The following KCNJ6 variants were observed in gnomAD, a reference collection of about 807,000 sequenced individuals.
KCNJ6 encodes the protein potassium inwardly rectifying channel subfamily J member 6.
In KCNJ6, 9 loss-of-function variants were observed where a neutral mutation model predicts 34.2. That is an observed-to-expected ratio of 0.26 (90% CI 0.16 to 0.46). The LOEUF (loss-of-function observed/expected upper bound fraction) is 0.46, where lower values mean the gene tolerates loss of function less well. KCNJ6 is among the 20% of genes least tolerant of loss of function. The pLI is 1.00. For synonymous variants in KCNJ6, 196 were observed against 207.1 expected (o/e 0.95, Z 0.46); for missense variants, 236 against 531.3 (o/e 0.44, Z 5.46).
chr21:37,711,164 A>G (rs944373690), intron 3 of KCNJ6, among the ~76,000 whole-genome samples: 2 of 152,338 alleles, frequency 1.3e-5, no homozygotes, highest in Non-Finnish European at 2.9e-5. Context: ...TGACCCTGCA[A>G]TGCGGCTGGC....
At chr21:37,771,669 G>A (rs75417637) in intron 2 of KCNJ6, among the ~76,000 whole-genome samples, 6 of 152,132 alleles carry the variant, frequency 3.9e-5, no homozygotes, top group Non-Finnish European at 8.8e-5. Flanking sequence ...AAGGAGATGC[G>A]CCAGATAGCT....
chr21:37,835,585 G>A (rs2050001260), intron 2 of KCNJ6, among the ~76,000 whole-genome samples: 3 of 152,184 alleles, frequency 2.0e-5, no homozygotes, highest in African/African-American at 7.2e-5. Flanking sequence ...GAGCTTTCGG[G>A]CTATTTGCCT....
intron 2 of KCNJ6, among the ~76,000 whole-genome samples, chr21:37,777,486 CTA>C (rs1299547040): frequency 6.6e-6 from 1 of 152,096 alleles, no homozygotes; most frequent in East Asian, 1.9e-4. Flanking sequence ...CCCTGAATTC[CTA>C]TGTTTACTAT....
rs754903167 is a variant in KCNJ6 at position 37,648,960 on chromosome 21, C to T, written c.947-23476G>A. Among the ~76,000 whole-genome samples, 27 of 151,822 alleles carry T rather than the reference C, an allele frequency of 1.8e-4. 1 individual carries two copies. Among genetic ancestry groups the T allele is most frequent in the Admixed American group, 3.9e-4 (6 of 15,250 alleles). Reference sequence around the variant, plus strand: ...AAGCCTGGCCAACATGGTGAAACCCCGTCTCTACCAAAAATACAAAAATTA... The same window carrying T: ...AAGCCTGGCCAACATGGTGAAACCCTGTCTCTACCAAAAATACAAAAATTA... On this transcript the variant is annotated intron_variant, in intron 3 of 3. Transcript: ENST00000609713.
intron 3 of KCNJ6, among the ~76,000 whole-genome samples, chr21:37,677,574 T>G (rs2054570367): frequency 6.6e-6 from 1 of 152,110 alleles, no homozygotes; most frequent in African/African-American, 2.4e-5. Flanking sequence ...TATGAGTTCA[T>G]CATGATGGGG....
At chr21:37,632,081 C>A (rs2123368168) in intron 3 of KCNJ6, among the ~76,000 whole-genome samples, 1 of 152,024 alleles carries the variant, frequency 6.6e-6, no homozygotes, top group Admixed American at 6.6e-5. Context: ...AAAGAAGTAT[C>A]AGAAAAGGAG....
intron 2 of KCNJ6, among the ~76,000 whole-genome samples, chr21:37,761,285 T>G (rs2055061063): frequency 1.3e-5 from 2 of 150,950 alleles, no homozygotes; most frequent in South Asian, 4.2e-4. Flanking sequence ...TAGTGTAATG[T>G]GTGTAGAGTG....
intron 3 of KCNJ6, among the ~76,000 whole-genome samples, chr21:37,709,574 C>T (rs1264991603): frequency 6.6e-6 from 1 of 152,094 alleles, no homozygotes; most frequent in Non-Finnish European, 1.5e-5. Flanking sequence ...CATTTCTCTG[C>T]CGAATCATCA....
intron 1 of KCNJ6, among the ~76,000 whole-genome samples, chr21:37,912,529 G>A (rs1220204668): frequency 6.6e-6 from 1 of 152,120 alleles, no homozygotes; most frequent in Non-Finnish European, 1.5e-5. Flanking sequence ...TCCTCATAAT[G>A]AACGTCTACT....
At chr21:37,703,232 C>T (rs189638535) in intron 3 of KCNJ6, among the ~76,000 whole-genome samples, 208 of 152,122 alleles carry the variant, frequency 1.4e-3, no homozygotes, top group Middle Eastern at 3.4e-3. Flanking sequence ...GGTTGTAGTC[C>T]AAAAGTCTTT....
At position 37,622,031 on chromosome 21, in the gene KCNJ6, G is replaced by C. The variant is rs2054291465; in HGVS notation, c.*3128C>G. ...GAACTCAGCAGCCTTGTGGTGGGGG[G>C]TCATGCTTGCAGCTGAACCTGCCCT... On this transcript the variant is annotated 3_prime_UTR_variant, in exon 4 of 4. Coordinates refer to ENST00000609713, the MANE Select transcript of KCNJ6 (RefSeq NM_002240.5). 6.6e-6 allele frequency: 1 copy of C among 152,220 alleles called. No individual in the cohort carries two copies. The highest frequency in any genetic ancestry group is 2.4e-5 in the African/African-American group (1 of 41,454). The allele number at this position is 152,220 out of a possible 1,614,324, so 9.4% of individuals were successfully genotyped here.
chr21:37,694,817 G>C (rs1252054742), intron 3 of KCNJ6, among the ~76,000 whole-genome samples: 1 of 152,134 alleles, frequency 6.6e-6, no homozygotes, highest in Non-Finnish European at 1.5e-5. Flanking sequence ...ATCAGGTGGG[G>C]AACCTGATCC....
intron 2 of KCNJ6, among the ~76,000 whole-genome samples, chr21:37,830,753 G>A (rs1020724940): frequency 2.1e-4 from 32 of 152,198 alleles, no homozygotes; most frequent in Admixed American, 1.9e-3. Flanking sequence ...TTAGGTAACA[G>A]TTTTAGCCCC....
intron 2 of KCNJ6, among the ~76,000 whole-genome samples, chr21:37,796,594 T>G (rs1374809199): frequency 6.6e-6 from 1 of 152,018 alleles, no homozygotes; most frequent in Non-Finnish European, 1.5e-5. Flanking sequence ...CATACTGAGA[T>G]TCAGGGTGGT....
rs1425264678 is a variant in KCNJ6 at position 37,675,503 on chromosome 21, G to C, written c.946+38708C>G. ...CACCACTGTCATCGCGGGGACCCTCGGGCTGCGCCTCTGCCCCTCGGTCCC... is the reference window on the plus strand; with the variant it reads ...CACCACTGTCATCGCGGGGACCCTCCGGCTGCGCCTCTGCCCCTCGGTCCC... On this transcript the variant is annotated intron_variant, in intron 3 of 3. Transcript: ENST00000609713. The surrounding 1 kb of genome is among the most constrained non-coding windows in gnomAD (Gnocchi z 4.2). Among the ~76,000 whole-genome samples the C allele has an allele frequency of 6.6e-6, 1 of 152,220 alleles. No homozygotes were observed. The highest frequency in any genetic ancestry group is 1.5e-5 in the Non-Finnish European group (1 of 68,028).
intron 2 of KCNJ6, among the ~76,000 whole-genome samples, chr21:37,721,133 C>T (rs2123458700): frequency 6.6e-6 from 1 of 152,314 alleles, no homozygotes; most frequent in East Asian, 1.9e-4. Context: ...ATAGACATCT[C>T]TCCAAAGAAG....
chr21:37,739,476 T>C (rs763308541), intron 2 of KCNJ6, among the ~76,000 whole-genome samples: 7 of 152,134 alleles, frequency 4.6e-5, no homozygotes, highest in Non-Finnish European at 5.9e-5. Context: ...GGCTCTGTAA[T>C]TGGGAAAAAA....
rs1160906882 is a variant in KCNJ6 at position 37,675,418 on chromosome 21, G to A, written c.946+38793C>T. 6.8e-6 allele frequency among the ~76,000 whole-genome samples: 1 copy of A among 146,060 alleles called. No individual in the cohort carries two copies. Among genetic ancestry groups the A allele is most frequent in the African/African-American group, 2.6e-5 (1 of 39,088 alleles). Reference sequence around the variant, plus strand: ...GCTAGGTGGCGCACGCGCTCGCTGCGTCTTTCAGGGCTGCAGGTACGGTGC... The same window carrying A: ...GCTAGGTGGCGCACGCGCTCGCTGCATCTTTCAGGGCTGCAGGTACGGTGC... On this transcript the variant is annotated intron_variant, in intron 3 of 3. Coordinates refer to ENST00000609713, the MANE Select transcript of KCNJ6 (RefSeq NM_002240.5). This position sits in a 1 kb window ranked among gnomAD's most constrained non-coding sequence, Gnocchi z 4.2.
At position 37,892,854 on chromosome 21, in the gene KCNJ6, GT is replaced by G. The variant is rs778761855; in HGVS notation, c.-28+23029del. ...TTGTCCCCATATGGCTTCTTTCATA[GT>G]TTTTTTTTTTTTTTTGAGATGGAGT... On this transcript the variant is annotated intron_variant, in intron 1 of 3. Transcript: ENST00000609713. 7.0e-3 allele frequency among the ~76,000 whole-genome samples: 963 copies of G among 138,366 alleles called. 7 individuals are homozygous for G. Among genetic ancestry groups the G allele is most frequent in the African/African-American group, 0.021 (770 of 37,484 alleles). The allele number at this position is 138,366 out of a possible 152,430, so 90.8% of individuals were successfully genotyped here.
Sources: allele counts gnomAD v4.1 joint callset (sites outside exome capture counted in the v4.1 genomes callset), GRCh38; gene constraint gnomAD v4.1.1; non-coding constraint Gnocchi (gnomAD v3.1); transcripts MANE v1.5; gene names NCBI Gene and HGNC (gene_info 2026-07-23, HGNC 2026-07-21).